Variants in PRDM5 observed in about 807,000 individuals in gnomAD.
PRDM5 encodes PR domain zinc finger protein 5.
In PRDM5, 56 loss-of-function variants were observed where a neutral mutation model predicts 81.2. The observed-to-expected ratio is 0.69, with a 90% CI of 0.56 to 0.86. PRDM5 has a LOEUF of 0.86. Ranked by LOEUF, PRDM5 falls within the 40% of genes least tolerant of loss-of-function variation. The pLI, the probability that PRDM5 is intolerant of heterozygous loss-of-function variation, is 0.00. For synonymous variants in PRDM5, 267 were observed against 256.4 expected (o/e 1.04, Z -0.39); for missense variants, 697 against 770.1 (o/e 0.91, Z 1.12).
chr4:120,726,735 G>A (rs1739467005), intron 14 of PRDM5, among the ~76,000 whole-genome samples: 1 of 152,174 alleles, frequency 6.6e-6, no homozygotes, highest in African/African-American at 2.4e-5. Flanking sequence ...CCTCTCTCCA[G>A]GCAGGGATGA....
intron 14 of PRDM5, among the ~76,000 whole-genome samples, chr4:120,742,215 G>A (rs2149111496): frequency 6.6e-6 from 1 of 152,222 alleles, no homozygotes; most frequent in South Asian, 2.1e-4. Flanking sequence ...TGAAGCTGAG[G>A]GTCTTGTCTG....
chr4:120,725,387 T>C (rs1363594469), intron 14 of PRDM5, among the ~76,000 whole-genome samples: 1 of 151,764 alleles, frequency 6.6e-6, no homozygotes, highest in Non-Finnish European at 1.5e-5. Context: ...GGCAGATATA[T>C]ACTTCACACC....
chr4:120,766,126 AT>A (rs1400365057), intron 13 of PRDM5, among the ~76,000 whole-genome samples: 1 of 151,928 alleles, frequency 6.6e-6, no homozygotes, highest in African/African-American at 2.4e-5. Flanking sequence ...CGCCCAGCTA[AT>A]TTTTGTATTT....
At chr4:120,822,524 G>A (rs866937107) in intron 3 of PRDM5, among the ~76,000 whole-genome samples, 19 of 152,204 alleles carry the variant, frequency 1.2e-4, no homozygotes, top group African/African-American at 4.1e-4. Flanking sequence ...AGAGAGGGGA[G>A]GAAGGAGAGT....
At chr4:120,769,542 C>T (rs1561160864) in intron 13 of PRDM5, among the ~76,000 whole-genome samples, 1 of 152,136 alleles carries the variant, frequency 6.6e-6, no homozygotes, top group African/African-American at 2.4e-5. Flanking sequence ...TCATTTTGTA[C>T]AAGGCAAGGG....
chr4:120,904,680 T>C (rs1414159422), intron 2 of PRDM5, among the ~76,000 whole-genome samples: 1 of 152,158 alleles, frequency 6.6e-6, no homozygotes, highest in African/African-American at 2.4e-5. Flanking sequence ...CAAAACTAGA[T>C]GATGTACTGT....
chr4:120,912,532 G>C (rs28676588), intron 1 of PRDM5, among the ~76,000 whole-genome samples: 220 of 152,240 alleles, frequency 1.4e-3, no homozygotes, highest in African/African-American at 5.2e-3. Flanking sequence ...ATATTTAATA[G>C]ACATAACTAA....
At chr4:120,809,058 C>G (rs761721280) in intron 8 of PRDM5, among the ~76,000 whole-genome samples, 1 of 152,334 alleles carries the variant, frequency 6.6e-6, no homozygotes, top group South Asian at 2.1e-4. Flanking sequence ...ATGGCCAGAG[C>G]GGGCGCCAAG....
At chr4:120,784,955 G>T in intron 11 of PRDM5, 43 bp downstream of exon 11, 2 of 1,448,212 alleles carry the variant, frequency 1.4e-6, no homozygotes, top group Non-Finnish European at 1.9e-6. Context: ...AACAAAGTAT[G>T]AGATAATTCC....
intron 1 of PRDM5, among the ~76,000 whole-genome samples, chr4:120,913,382 C>T (rs971305033): frequency 2.0e-4 from 30 of 152,204 alleles, no homozygotes; most frequent in African/African-American, 7.0e-4. Context: ...CATCTGCCAG[C>T]TTCCTGTTAG....
rs376740879 is a variant in PRDM5, at chr4:120,695,117, G to C, written c.1887C>G (p.Asp629Glu). ...AATTCCTTTACAGCCCCTATTAGCT[G>C]TCAGCTACACCATGGATATTGTCCA... ...VHMDNIHGVA[D>E]S Residue 629 changes from aspartate (D) to glutamate (E), a missense_variant, in exon 16 of 16, where the codon GAC becomes GAG. By Grantham distance (45) the Asp-to-Glu change is conservative. Around this residue, in one of 3 missense-constraint regions of PRDM5, gnomAD observed 34 missense variants for 28.1 expected, o/e 1.21. Coordinates refer to ENST00000264808, the MANE Select transcript of PRDM5 (RefSeq NM_018699.4). 4.3e-6 allele frequency: 7 copies of C among 1,612,668 alleles called. No homozygotes were observed.
chr4:120,831,738 A>G (rs937623435), intron 3 of PRDM5, among the ~76,000 whole-genome samples: 14 of 152,240 alleles, frequency 9.2e-5, no homozygotes, highest in African/African-American at 3.1e-4. Flanking sequence ...ATATGACAGC[A>G]AATGCTAATG....
intron 3 of PRDM5, among the ~76,000 whole-genome samples, chr4:120,826,910 G>T (rs895181869): frequency 8.5e-5 from 13 of 152,084 alleles, no homozygotes; most frequent in African/African-American, 3.1e-4. Flanking sequence ...ATTTAATAAT[G>T]ATTCTTCTTA....
intron 2 of PRDM5, among the ~76,000 whole-genome samples, chr4:120,854,017 C>A (rs1383650762): frequency 6.6e-6 from 1 of 152,152 alleles, no homozygotes; most frequent in Non-Finnish European, 1.5e-5. Flanking sequence ...GCTCATCTAG[C>A]CAGCGGGAAT....
intron 13 of PRDM5, among the ~76,000 whole-genome samples, chr4:120,776,021 T>G (rs1049485371): frequency 3.9e-5 from 6 of 152,144 alleles, no homozygotes; most frequent in Non-Finnish European, 8.8e-5. Context: ...CATGGTTCTC[T>G]GCTTCTCATT....
chr4:120,798,398 A>C lies in PRDM5; in HGVS notation c.1057T>G (p.Cys353Gly). 6.2e-7 allele frequency: 1 copy of C among 1,611,384 alleles called. No homozygotes were observed. The highest frequency in any genetic ancestry group is 8.5e-7 in the Non-Finnish European group (1 of 1,178,024). Residue 353 changes from cysteine (C) to glycine (G), a missense_variant, in exon 10 of 16, where the codon TGT becomes GGT. Physicochemically the swap from Cys to Gly is radical, Grantham distance 159 (BLOSUM62 -3). Transcript: ENST00000264808. ...SEKRPYNCEICNKSFKRLDQV... is the reference protein window; with the variant it reads ...SEKRPYNCEIGNKSFKRLDQV... ...TCAAGCCTCTTGAAAGACTTATTAC[A>C]AATCTCGCAATTATAGGGTCGTTTT...
rs186978348 is a variant in PRDM5 at position 120,896,832 on chromosome 4, C to T, written c.177+10642G>A. Among the ~76,000 whole-genome samples, 757 of 151,884 alleles carry T rather than the reference C, an allele frequency of 5.0e-3. 6 individuals carry two copies. Among genetic ancestry groups the T allele is most frequent in the African/African-American group, 0.017 (724 of 41,432 alleles). ...CCGAGTAGCTGGGACTACAGGCACC[C>T]GCCACCACGCCCGGCTAATTTTTTG... On this transcript the variant is annotated intron_variant, in intron 2 of 15. Coordinates refer to ENST00000264808, the MANE Select transcript of PRDM5 (RefSeq NM_018699.4).
At chr4:120,783,456 G>T (rs1321553345) in intron 11 of PRDM5, among the ~76,000 whole-genome samples, 7 of 152,026 alleles carry the variant, frequency 4.6e-5, no homozygotes, top group Non-Finnish European at 8.8e-5. Context: ...GAAAGCAAAG[G>T]TGGTAGATTA....
At chr4:120,749,949 G>A (rs1743731714) in intron 14 of PRDM5, among the ~76,000 whole-genome samples, 2 of 152,084 alleles carry the variant, frequency 1.3e-5, no homozygotes, top group South Asian at 4.2e-4. Flanking sequence ...AGCCAGTAGG[G>A]CCAGGAAACC....
Sources: gnomAD v4.1 joint callset for allele counts (sites outside exome capture counted in the v4.1 genomes callset) on GRCh38, gnomAD v4.1.1 for gene constraint, gnomAD v4.1.1 regional missense constraint, MANE v1.5 for transcripts, NCBI Gene and HGNC (gene_info 2026-07-23, HGNC 2026-07-21) for gene names.